ADGRL2: variants seen among roughly 807,000 people sequenced by gnomAD.
ADGRL2 encodes the protein adhesion G protein-coupled receptor L2, also known as calcium-independent alpha-latrotoxin receptor 2.
A neutral mutation model predicts 157.4 loss-of-function variants in ADGRL2; 44 were observed. That is an observed-to-expected ratio of 0.28 (90% CI 0.22 to 0.36). The LOEUF is 0.36. Ranked by LOEUF, ADGRL2 falls within the 10% of genes least tolerant of loss-of-function variation. ADGRL2 has a pLI of 1.00. For missense variants in ADGRL2, 1,510 were observed against 1,768.9 expected (o/e 0.85, Z 2.63); for synonymous variants, 585 against 624.7 (o/e 0.94, Z 0.95).
intron 2 of ADGRL2, among the ~76,000 whole-genome samples, chr1:81,565,657 TG>T (rs748331013): frequency 6.6e-6 from 1 of 152,124 alleles, no homozygotes; most frequent in Non-Finnish European, 1.5e-5. Flanking sequence ...ATGTTCCTGT[TG>T]TGTGTGTGTC....
At chr1:81,554,975 G>A (rs1321160797) in intron 2 of ADGRL2, among the ~76,000 whole-genome samples, 2 of 152,104 alleles carry the variant, frequency 1.3e-5, no homozygotes, top group Non-Finnish European at 2.9e-5. Context: ...AGCAAGGGCA[G>A]TAGAAGAGAT....
intron 3 of ADGRL2, among the ~76,000 whole-genome samples, chr1:81,686,421 G>T (rs2083229912): frequency 6.6e-6 from 1 of 152,118 alleles, no homozygotes; most frequent in African/African-American, 2.4e-5. Flanking sequence ...GTTTATGTGT[G>T]TAAAGGTGTT....
At chr1:81,753,140 C>T (rs2085543621) in intron 1 of ADGRL2, among the ~76,000 whole-genome samples, 1 of 152,080 alleles carries the variant, frequency 6.6e-6, no homozygotes, top group Non-Finnish European at 1.5e-5. Context: ...CAATTTCATG[C>T]TGCTGATAAA....
Position 81,956,005 on chromosome 1 carries a change from C to G in ADGRL2, c.1962C>G (p.Val654=), listed in dbSNP as rs1232364930. ...LLDTLEEGAF[V]LADNLLEPTR... ...ATACATTGGAAGAAGGAGCTTTTGT[C>G]CTAGCTGACAATCTTTTAGAACCAA... Residue 654 remains valine (V), a synonymous_variant, in exon 11 of 24, where the codon GTC becomes GTG. Coordinates refer to ENST00000686636, the MANE Select transcript of ADGRL2 (RefSeq NM_001366006.2). The G allele has an allele frequency of 3.1e-6, 5 of 1,611,406 alleles. No individual in the cohort carries two copies. The Admixed American group carries it at 5.0e-5, about 16-fold the overall frequency.
At chr1:81,478,279 G>A (rs1349910557) in intron 2 of ADGRL2, among the ~76,000 whole-genome samples, 1 of 152,170 alleles carries the variant, frequency 6.6e-6, no homozygotes, top group Non-Finnish European at 1.5e-5. Context: ...GGTTCCTGTG[G>A]CCGTACAGGC....
At chr1:81,458,798 G>A (rs180947748) in intron 2 of ADGRL2, among the ~76,000 whole-genome samples, 223 of 152,304 alleles carry the variant, frequency 1.5e-3, no homozygotes, top group African/African-American at 5.1e-3. Flanking sequence ...TGAGCCCCCA[G>A]GAAATGTTAC....
rs564409911 is a variant in ADGRL2 at position 81,655,186 on chromosome 1, G to C, written c.-143+74206G>C. On this transcript the variant is annotated intron_variant, in intron 3 of 24. Coordinates refer to the ADGRL2 transcript ENST00000370721. The stretch of plus-strand genomic sequence containing the variant: ...GCTAATTGTTTTTCTATTTTTAGTA[G>C]AGACGGGTTTTCACTGTGTTAGCCA... 1.1e-4 allele frequency among the ~76,000 whole-genome samples: 17 copies of C among 152,308 alleles called. No homozygotes were observed. The South Asian group carries it at 2.1e-3, about 19-fold the overall frequency.
chr1:81,711,423 C>T lies in ADGRL2; in HGVS notation c.-143+11615C>T, dbSNP rs185703468. Among the ~76,000 whole-genome samples the T allele has an allele frequency of 2.9e-3, 434 of 152,272 alleles. 2 individuals are homozygous for T. Among genetic ancestry groups the T allele is most frequent in the African/African-American group, 0.01 (417 of 41,534 alleles). The stretch of plus-strand genomic sequence containing the variant: ...ATCTCATAAGTGCTTTTCCTCAAGA[C>T]GGTCAGACTTCGGTAGTCTGTGAAA... On this transcript the variant is annotated intron_variant, in intron 1 of 20. Transcript: ENST00000359929.
chr1:81,453,097 C>A (rs1027904011), intron 2 of ADGRL2, among the ~76,000 whole-genome samples: 1 of 152,058 alleles, frequency 6.6e-6, no homozygotes, highest in African/African-American at 2.4e-5. Context: ...AGTAAAACTG[C>A]GAAGACTTGT....
intron 2 of ADGRL2, among the ~76,000 whole-genome samples, chr1:81,767,002 A>T (rs1029068052): frequency 1.8e-4 from 27 of 152,044 alleles, no homozygotes; most frequent in African/African-American, 6.5e-4. Context: ...CATTATCCTG[A>T]ATTTTCTCTA....
chr1:81,683,785 C>G (rs879852058), intron 3 of ADGRL2, among the ~76,000 whole-genome samples: 1 of 151,834 alleles, frequency 6.6e-6, no homozygotes, highest in Non-Finnish European at 1.5e-5. Context: ...GCTATAAACA[C>G]GCTTGTGCAA....
At chr1:81,814,079 T>C (rs1056378127) in intron 1 of ADGRL2, among the ~76,000 whole-genome samples, 10 of 151,736 alleles carry the variant, frequency 6.6e-5, no homozygotes, top group Admixed American at 1.3e-4. Context: ...AAAAGTATTA[T>C]TGGTATTTTA....
chr1:81,757,664 GC>G (rs2085737207), intron 1 of ADGRL2, among the ~76,000 whole-genome samples: 2 of 152,290 alleles, frequency 1.3e-5, no homozygotes, highest in African/African-American at 4.8e-5. Flanking sequence ...TCTAGGGGCT[GC>G]CCGAATCACG....
At chr1:81,837,287 T>C (rs910885909) in intron 2 of ADGRL2, among the ~76,000 whole-genome samples, 3 of 152,054 alleles carry the variant, frequency 2.0e-5, no homozygotes, top group African/African-American at 4.8e-5. Context: ...TTATGAAATA[T>C]AACCATTCTA....
At chr1:81,418,637 C>G (rs1195238299) in intron 1 of ADGRL2, among the ~76,000 whole-genome samples, 1 of 152,096 alleles carries the variant, frequency 6.6e-6, no homozygotes, top group Non-Finnish European at 1.5e-5. Context: ...GCCTGCAGTC[C>G]CAGCTACTCG....
At chr1:81,905,947 A>AGTGTGTGTGTGTGTGTGTGT (rs3046460) in intron 2 of ADGRL2, among the ~76,000 whole-genome samples, 1 of 144,484 alleles carries the variant, frequency 6.9e-6, no homozygotes, top group Non-Finnish European at 1.5e-5. Context: ...AAAAAAGCAG[A>AGTGTGTGTGTGTGTGTGTGT]GTGTGTGTGT....
upstream of ADGRL2, among the ~76,000 whole-genome samples, chr1:81,695,875 G>A (rs2083433225): frequency 6.6e-6 from 1 of 151,438 alleles, no homozygotes; most frequent in Non-Finnish European, 1.5e-5. Flanking sequence ...CTCCCTGGCT[G>A]TATTCCTCTG....
chr1:81,965,519 A>G (rs1656792589), intron 11 of ADGRL2, among the ~76,000 whole-genome samples: 2 of 152,164 alleles, frequency 1.3e-5, no homozygotes, highest in African/African-American at 4.8e-5. Flanking sequence ...TTAGAAAAAA[A>G]AAGTATTACT....
chr1:81,929,421 G>C (rs142633270), intron 3 of ADGRL2, among the ~76,000 whole-genome samples: 47 of 152,294 alleles, frequency 3.1e-4, no homozygotes, highest in Middle Eastern at 3.4e-3. Flanking sequence ...ATCTGCTGAA[G>C]ATTCCCAATG....
Sources: gnomAD v4.1 joint callset for allele counts (sites outside exome capture counted in the v4.1 genomes callset) on GRCh38, gnomAD v4.1.1 for gene constraint, MANE v1.5 for transcripts, NCBI Gene and HGNC (gene_info 2026-07-23, HGNC 2026-07-21) for gene names.